The following CNTNAP5 variants were observed in gnomAD, a reference collection of about 807,000 sequenced individuals.
The protein encoded by CNTNAP5 is contactin-associated protein-like 5.
CNTNAP5 carries 72 observed loss-of-function variants against 150.2 expected under a neutral mutation model. That is an observed-to-expected ratio of 0.48 (90% CI 0.40 to 0.58). CNTNAP5 has a LOEUF of 0.58. Ranked by LOEUF, CNTNAP5 falls within the 20% of genes least tolerant of loss-of-function variation. The probability of loss-of-function intolerance (pLI) is 0.00; values close to 1 mark genes in which losing one functional copy is unlikely to be tolerated. For missense variants in CNTNAP5, 1,636 were observed against 1,626.2 expected (o/e 1.01, Z -0.10); for synonymous variants, 672 against 619.8 (o/e 1.08, Z -1.25).
At chr2:124,856,566 A>C (rs1429123963) in intron 19 of CNTNAP5, among the ~76,000 whole-genome samples, 1 of 152,026 alleles carries the variant, frequency 6.6e-6, no homozygotes, top group African/African-American at 2.4e-5. Context: ...ATGTTGTTTT[A>C]ACTTGCATTT....
chr2:124,620,834 T>A lies in CNTNAP5; in HGVS notation c.1876+10914T>A, dbSNP rs146933108. Among the ~76,000 whole-genome samples the A allele has an allele frequency of 6.3e-4, 96 of 152,184 alleles. 1 individual carries two copies. Among genetic ancestry groups the A allele is most frequent in the Non-Finnish European group, 5.0e-4 (34 of 67,998 alleles). ...ATGGTCATTTAATATGCTAATGTAA[T>A]GTCATGGTGTGATTATTAATTGTGT... On this transcript the variant is annotated intron_variant, in intron 12 of 23. Transcript: ENST00000682447.
At chr2:124,357,359 T>C (rs571929090) in intron 3 of CNTNAP5, among the ~76,000 whole-genome samples, 2 of 152,202 alleles carry the variant, frequency 1.3e-5, no homozygotes, top group Non-Finnish European at 2.9e-5. Context: ...GCTTTTGGTG[T>C]TGTGGACATG....
At chr2:124,670,167 TCCTTCCTTCCTC>T (rs1259420966) in intron 13 of CNTNAP5, among the ~76,000 whole-genome samples, 26 of 135,736 alleles carry the variant, frequency 1.9e-4, no homozygotes, top group African/African-American at 7.0e-4. Flanking sequence ...CTTCCTTCCT[TCCTTCCTTCCTC>T]CCTCTCTTTC....
At chr2:124,391,020 T>C (rs1422609655) in intron 3 of CNTNAP5, among the ~76,000 whole-genome samples, 2 of 152,226 alleles carry the variant, frequency 1.3e-5, no homozygotes, top group African/African-American at 4.8e-5. Flanking sequence ...AAAAGTTAAA[T>C]TCTGAAGCCA....
intron 1 of CNTNAP5, among the ~76,000 whole-genome samples, chr2:124,126,525 T>C (rs1435913471): frequency 2.0e-5 from 3 of 152,018 alleles, no homozygotes; most frequent in Non-Finnish European, 4.4e-5. Context: ...TTCCACTCAA[T>C]AGAAAAAGAG....
chr2:124,372,596 G>A (rs1157661890), intron 3 of CNTNAP5, among the ~76,000 whole-genome samples: 1 of 152,076 alleles, frequency 6.6e-6, no homozygotes, highest in East Asian at 1.9e-4. Context: ...ATCAACCTTA[G>A]GATGAAGCTG....
At chr2:124,706,745 T>TCAA (rs1376216301) in intron 13 of CNTNAP5, among the ~76,000 whole-genome samples, 1 of 79,524 alleles carries the variant, frequency 1.3e-5, no homozygotes, top group East Asian at 3.6e-4. Flanking sequence ...AGACTCTGTT[T>TCAA]CAAGAAGAAG....
At chr2:124,163,319 G>A (rs1313576536) in intron 1 of CNTNAP5, among the ~76,000 whole-genome samples, 1 of 152,084 alleles carries the variant, frequency 6.6e-6, no homozygotes, top group Non-Finnish European at 1.5e-5. Flanking sequence ...CTCCAGCCCT[G>A]GAGAATAGGG....
chr2:124,809,147 G>A (rs1048330903), intron 19 of CNTNAP5, among the ~76,000 whole-genome samples: 2 of 152,092 alleles, frequency 1.3e-5, no homozygotes, highest in African/African-American at 4.8e-5. Context: ...GGCCTGCGTA[G>A]CTCCTTCACT....
chr2:124,728,323 T>A (rs1680202996), intron 13 of CNTNAP5, among the ~76,000 whole-genome samples: 1 of 152,238 alleles, frequency 6.6e-6, no homozygotes, highest in East Asian at 1.9e-4. Flanking sequence ...TGCTCCTTGC[T>A]CTTCAATTTA....
chr2:124,150,580 T>C (rs1347623379), intron 1 of CNTNAP5, among the ~76,000 whole-genome samples: 1 of 152,200 alleles, frequency 6.6e-6, no homozygotes, highest in Non-Finnish European at 1.5e-5. Context: ...AGATTCAATG[T>C]CTAGTGAGGA....
At chr2:124,471,868 G>A (rs1693524715) in intron 6 of CNTNAP5, among the ~76,000 whole-genome samples, 1 of 151,724 alleles carries the variant, frequency 6.6e-6, no homozygotes, top group African/African-American at 2.4e-5. Context: ...TTATGTATTT[G>A]GACCTTTTCT....
intron 11 of CNTNAP5, among the ~76,000 whole-genome samples, chr2:124,604,467 C>T (rs565741418): frequency 7.2e-5 from 11 of 152,036 alleles, no homozygotes; most frequent in Middle Eastern, 3.4e-3. Flanking sequence ...TATTTTCATC[C>T]GTTACTTTGG....
chr2:124,671,469 C>T (rs1237541579), intron 13 of CNTNAP5, among the ~76,000 whole-genome samples: 1 of 151,818 alleles, frequency 6.6e-6, no homozygotes, highest in East Asian at 1.9e-4. Context: ...TTTTTAAAGA[C>T]AAAGGAGGAA....
chr2:124,644,601 A>T (rs979305343), intron 12 of CNTNAP5, among the ~76,000 whole-genome samples: 1 of 152,230 alleles, frequency 6.6e-6, no homozygotes, highest in African/African-American at 2.4e-5. Context: ...ATATAAATCT[A>T]TATGAATTAG....
chr2:124,732,144 T>G (rs1280581856), intron 13 of CNTNAP5, among the ~76,000 whole-genome samples: 1 of 152,100 alleles, frequency 6.6e-6, no homozygotes, highest in African/African-American at 2.4e-5. Flanking sequence ...GCTGGAAATC[T>G]GATTCTTTTT....
intron 7 of CNTNAP5, among the ~76,000 whole-genome samples, chr2:124,476,999 T>C (rs998668429): frequency 6.6e-6 from 1 of 152,178 alleles, no homozygotes; most frequent in Non-Finnish European, 1.5e-5. Flanking sequence ...TGTTTTTCTT[T>C]TGGTCCCGAG....
At chr2:124,814,008 T>C (rs1682294974) in intron 19 of CNTNAP5, among the ~76,000 whole-genome samples, 1 of 152,030 alleles carries the variant, frequency 6.6e-6, no homozygotes, top group South Asian at 2.1e-4. Context: ...CTTTTAAAAA[T>C]TCAAATATAT....
At chr2:124,253,020 AATAT>A (rs2104782235) in intron 3 of CNTNAP5, among the ~76,000 whole-genome samples, 1 of 151,714 alleles carries the variant, frequency 6.6e-6, no homozygotes, top group African/African-American at 2.4e-5. Context: ...TAGTACATAA[AATAT>A]ATATTTATTT....
Sources: gnomAD v4.1 joint callset for allele counts (sites outside exome capture counted in the v4.1 genomes callset) on GRCh38, gnomAD v4.1.1 for gene constraint, MANE v1.5 for transcripts, NCBI Gene and HGNC (gene_info 2026-07-23, HGNC 2026-07-21) for gene names.